ESR1: variants seen among roughly 807,000 people sequenced by gnomAD.
ESR1 encodes estrogen receptor 1, also known as estrogen receptor.
In ESR1, 12 loss-of-function variants were observed where a neutral mutation model predicts 52.7. That is an observed-to-expected ratio of 0.23 (90% CI 0.15 to 0.37). The LOEUF is 0.37. Ranked by LOEUF, ESR1 falls within the 10% of genes least tolerant of loss-of-function variation. ESR1 has a pLI of 1.00. For missense variants in ESR1, 584 were observed against 779.7 expected (o/e 0.75, Z 2.99); for synonymous variants, 305 against 316.8 (o/e 0.96, Z 0.39).
chr6:151,792,397 A>G (rs1016986964), intron 2 of ESR1, among the ~76,000 whole-genome samples: 1 of 152,126 alleles, frequency 6.6e-6, no homozygotes, highest in African/African-American at 2.4e-5. Flanking sequence ...TCAATCAATA[A>G]TAAGTGAACA....
At chr6:151,706,510 A>T (rs549928980) in intron 2 of ESR1, among the ~76,000 whole-genome samples, 1 of 152,176 alleles carries the variant, frequency 6.6e-6, no homozygotes, top group East Asian at 1.9e-4. Context: ...GGTGGGAGGG[A>T]AGAAGCAGGC....
intron 4 of ESR1, among the ~76,000 whole-genome samples, chr6:151,987,192 C>T (rs914453375): frequency 1.3e-5 from 2 of 152,056 alleles, no homozygotes; most frequent in Non-Finnish European, 2.9e-5. Flanking sequence ...TTGAGATGCT[C>T]CATCTCCTCC....
intron 3 of ESR1, among the ~76,000 whole-genome samples, chr6:151,895,735 A>G (rs1434250989): frequency 1.3e-5 from 2 of 152,194 alleles, no homozygotes; most frequent in African/African-American, 2.4e-5. Flanking sequence ...CATCCCTGGT[A>G]TGAAACCCAC....
At chr6:151,770,124 G>A (rs771664431) in intron 2 of ESR1, among the ~76,000 whole-genome samples, 4 of 152,100 alleles carry the variant, frequency 2.6e-5, no homozygotes, top group Non-Finnish European at 5.9e-5. Context: ...TGATAGGTGA[G>A]TTAAGAAGGA....
chr6:151,910,558 G>A (rs1048442116), intron 3 of ESR1, among the ~76,000 whole-genome samples: 4 of 152,084 alleles, frequency 2.6e-5, no homozygotes, highest in Non-Finnish European at 5.9e-5. Flanking sequence ...TTGGAGACTT[G>A]GATTGTGCCA....
chr6:151,955,043 G>A (rs369464780), intron 4 of ESR1, among the ~76,000 whole-genome samples: 7 of 152,256 alleles, frequency 4.6e-5, no homozygotes, highest in African/African-American at 1.4e-4. Context: ...TAGTCAATTA[G>A]TATCTAACAT....
chr6:151,777,755 T>A (rs1293264244), intron 2 of ESR1, among the ~76,000 whole-genome samples: 1 of 151,584 alleles, frequency 6.6e-6, no homozygotes, highest in African/African-American at 2.4e-5. Flanking sequence ...AGGTCAGGAG[T>A]TCGAGACCAG....
At chr6:151,726,563 C>A (rs1005062784) in intron 2 of ESR1, among the ~76,000 whole-genome samples, 1 of 152,160 alleles carries the variant, frequency 6.6e-6, no homozygotes, top group Non-Finnish European at 1.5e-5. Flanking sequence ...GTCTTGATCT[C>A]CTGATTTCGT....
At chr6:152,125,268 A>G in exon 7 of ESR1, 2 of 1,550,298 alleles carry the variant, frequency 1.3e-6, no homozygotes, top group Non-Finnish European at 1.7e-6. Context: ...TTTCACAGGT[A>G]TCTCACATGT....
chr6:151,932,715 T>C (rs1401002441), intron 3 of ESR1, among the ~76,000 whole-genome samples: 2 of 151,996 alleles, frequency 1.3e-5, no homozygotes, highest in African/African-American at 4.8e-5. Flanking sequence ...TAGGGAATCC[T>C]TTCCCTGTTG....
chr6:151,846,982 T>C (rs966708968), intron 2 of ESR1, among the ~76,000 whole-genome samples: 15 of 152,164 alleles, frequency 9.9e-5, no homozygotes, highest in Non-Finnish European at 1.5e-4. Context: ...TTTCAGAAGG[T>C]TGTGTGGCGT....
At chr6:151,894,714 T>A (rs1221869120) in intron 3 of ESR1, among the ~76,000 whole-genome samples, 1 of 152,224 alleles carries the variant, frequency 6.6e-6, no homozygotes, top group African/African-American at 2.4e-5. Flanking sequence ...TGGGTTTATT[T>A]CTCGGTTCTC....
intron 6 of ESR1, among the ~76,000 whole-genome samples, chr6:152,093,148 G>C (rs1004948345): frequency 1.9e-4 from 29 of 152,086 alleles, no homozygotes; most frequent in African/African-American, 6.3e-4. Context: ...GTGGTGGCAG[G>C]CTCGTGTATT....
intron 3 of ESR1, among the ~76,000 whole-genome samples, chr6:151,890,840 C>CT: frequency 6.6e-6 from 1 of 152,042 alleles, no homozygotes; most frequent in Non-Finnish European, 1.5e-5. Context: ...CATAGAATGC[C>CT]TTTTTTGGTC....
intron 1 of ESR1, among the ~76,000 whole-genome samples, chr6:151,694,117 G>A (rs1289675723): frequency 1.3e-5 from 2 of 152,148 alleles, no homozygotes; most frequent in African/African-American, 4.8e-5. Flanking sequence ...GGTGAACAAC[G>A]TTATGATTCC....
intron 2 of ESR1, among the ~76,000 whole-genome samples, chr6:151,732,743 G>GT (rs944918605): frequency 6.6e-6 from 1 of 152,102 alleles, no homozygotes; most frequent in Non-Finnish European, 1.5e-5. Flanking sequence ...TGGGCAGGGA[G>GT]TTTTTTACCA....
chr6:152,040,849 G>A (rs373298598), intron 5 of ESR1, among the ~76,000 whole-genome samples: 31 of 152,308 alleles, frequency 2.0e-4, no homozygotes, highest in African/African-American at 7.2e-4. Context: ...AGGCAGGGTG[G>A]CAGGAGTGGG....
At chr6:152,127,934 T>A (rs1196463754) in exon 7 of ESR1, 1 of 152,178 alleles carries the variant, frequency 6.6e-6, no homozygotes, top group East Asian at 1.9e-4. Flanking sequence ...ATTTGCCACT[T>A]CTCATTCCAT....
exon 7 of ESR1, chr6:152,125,480 C>T: frequency 3.2e-6 from 4 of 1,237,614 alleles, no homozygotes; most frequent in Non-Finnish European, 4.3e-6. Flanking sequence ...TCAGTTTTCT[C>T]ATTTGCAATG....
Sources: allele counts gnomAD v4.1 joint callset (sites outside exome capture counted in the v4.1 genomes callset), GRCh38; gene constraint gnomAD v4.1.1; transcripts MANE v1.5; gene names NCBI Gene and HGNC (gene_info 2026-07-23, HGNC 2026-07-21).